IGF1R: variants seen among roughly 807,000 people sequenced by gnomAD.
The protein encoded by IGF1R is insulin like growth factor 1 receptor, also known as insulin-like growth factor 1 receptor.
IGF1R carries 44 observed loss-of-function variants against 144.6 expected under a neutral mutation model. The observed-to-expected ratio is 0.30, with a 90% CI of 0.24 to 0.39. IGF1R has a LOEUF of 0.39. Ranked by LOEUF, IGF1R falls within the 10% of genes least tolerant of loss-of-function variation. The pLI, the probability that IGF1R is intolerant of heterozygous loss-of-function variation, is 1.00. For synonymous variants in IGF1R, 795 were observed against 722.8 expected, an observed-to-expected ratio of 1.10 and a Z score of -1.60; for missense variants, 1,355 against 1,833.7, an observed-to-expected ratio of 0.74 and a Z score of 4.77.
At chr15:98,954,688 C>A (rs765943158) in intron 20 of IGF1R, among the ~76,000 whole-genome samples, 5 of 152,204 alleles carry the variant, frequency 3.3e-5, no homozygotes, top group Non-Finnish European at 5.9e-5. Context: ...ATCTCATGCT[C>A]TTGGCCCAGT....
Position 98,957,427 on chromosome 15 carries a change from G to C in IGF1R, c.4089G>C (p.Gln1363His), listed in dbSNP as rs1209606444. ...RKNERALPLP[Q>H]SSTC The stretch of plus-strand genomic sequence containing the variant: ...ACGAGCGGGCCTTGCCGCTGCCCCA[G>C]TCTTCGACCTGCTGATCCTTGGATC... Residue 1363 changes from glutamine to histidine, a missense_variant, in exon 21 of 21, where the codon CAG becomes CAC. Transcript: ENST00000650285. 1 of 1,613,102 alleles carries C rather than the reference G, an allele frequency of 6.2e-7. No individual in the cohort carries two copies. The highest frequency in any genetic ancestry group is 2.2e-5 in the East Asian group (1 of 44,866).
chr15:98,907,551 A>G (rs1329922786), intron 5 of IGF1R, among the ~76,000 whole-genome samples: 1 of 152,370 alleles, frequency 6.6e-6, no homozygotes, highest in East Asian at 1.9e-4. Flanking sequence ...AGAGGAGAAG[A>G]AGGATTCACG....
chr15:98,900,976 A>G (rs893184938), intron 5 of IGF1R, among the ~76,000 whole-genome samples: 1 of 152,164 alleles, frequency 6.6e-6, no homozygotes, highest in African/African-American at 2.4e-5. Context: ...TGCTGAGAGG[A>G]GAGTTTAATT....
intron 1 of IGF1R, among the ~76,000 whole-genome samples, chr15:98,665,159 G>A (rs548693051): frequency 2.6e-5 from 4 of 152,220 alleles, no homozygotes; most frequent in Admixed American, 2.6e-4. Flanking sequence ...CACCGTGTTA[G>A]CCAGGATGGT....
Position 98,913,071 on chromosome 15 carries a change from T to C in IGF1R, c.1617T>C (p.Asp539=). Residue 539 remains aspartate, a synonymous_variant, in exon 8 of 21, where the codon GAT becomes GAC. Transcript: ENST00000650285. ...CCTTTAAGAATGTCACAGAGTATGA[T>C]GGGCAGGATGCCTGCGGCTCCAACA... ...EAPFKNVTEY[D]GQDACGSNSW... The C allele has an allele frequency of 6.2e-7, 1 of 1,614,068 alleles. No homozygotes were observed. The highest frequency in any genetic ancestry group is 1.1e-5 in the South Asian group (1 of 91,072).
chr15:98,786,256 G>A (rs1347380202), intron 2 of IGF1R, among the ~76,000 whole-genome samples: 2 of 152,220 alleles, frequency 1.3e-5, no homozygotes, highest in African/African-American at 2.4e-5. Flanking sequence ...AGAACAAGGT[G>A]GAGGAAAACC....
chr15:98,673,004 AC>A (rs1814161884), intron 1 of IGF1R, among the ~76,000 whole-genome samples: 2 of 151,992 alleles, frequency 1.3e-5, no homozygotes, highest in Non-Finnish European at 2.9e-5. Flanking sequence ...ATTTTATTTT[AC>A]TTTTTTTTAA....
At chr15:98,907,608 C>G (rs1475513609) in intron 5 of IGF1R, among the ~76,000 whole-genome samples, 7 of 152,210 alleles carry the variant, frequency 4.6e-5, no homozygotes, top group East Asian at 1.9e-4. Context: ...AGAAGTCAAC[C>G]CTGGCATTGT....
At chr15:98,791,085 C>T (rs948619719) in intron 2 of IGF1R, among the ~76,000 whole-genome samples, 2 of 152,168 alleles carry the variant, frequency 1.3e-5, no homozygotes, top group Non-Finnish European at 2.9e-5. Context: ...AGTTCATGCT[C>T]AGATGATTCA....
At position 98,690,622 on chromosome 15, in the gene IGF1R, T is replaced by C. The variant is rs142465907; in HGVS notation, c.95-16940T>C. ...AATGATTTTAAGTATACAATTAATA[T>C]GTGAATGTATGTTTCTTATGGAAAT... On this transcript the variant is annotated intron_variant, in intron 1 of 20. Transcript: ENST00000650285. 4.8e-3 allele frequency among the ~76,000 whole-genome samples: 733 copies of C among 152,368 alleles called. 6 individuals carry two copies. Among genetic ancestry groups the C allele is most frequent in the African/African-American group, 0.017 (699 of 41,592 alleles).
At chr15:98,939,971 C>T (rs1368865545) in intron 18 of IGF1R, among the ~76,000 whole-genome samples, 1 of 152,218 alleles carries the variant, frequency 6.6e-6, no homozygotes. Context: ...AGCTCACCAG[C>T]CTACTGGTTA....
At chr15:98,716,870 A>C (rs1038278915) in intron 2 of IGF1R, among the ~76,000 whole-genome samples, 7 of 152,150 alleles carry the variant, frequency 4.6e-5, no homozygotes, top group African/African-American at 1.7e-4. Context: ...TCAGGATGTC[A>C]TGGGGCTGGC....
intron 2 of IGF1R, among the ~76,000 whole-genome samples, chr15:98,834,190 T>C (rs57968842): frequency 0.021 from 3,242 of 152,344 alleles, 119 homozygotes; most frequent in African/African-American, 0.074. Context: ...TGTACCTTTT[T>C]TGGGAAAGAG....
chr15:98,919,516 A>G (rs999485007), intron 10 of IGF1R, among the ~76,000 whole-genome samples: 1 of 152,212 alleles, frequency 6.6e-6, no homozygotes, highest in African/African-American at 2.4e-5. Context: ...GTGGAGCACA[A>G]GGTGAAGTGA....
intron 1 of IGF1R, among the ~76,000 whole-genome samples, chr15:98,654,544 C>T (rs1309132422): frequency 2.0e-5 from 3 of 152,102 alleles, no homozygotes; most frequent in Non-Finnish European, 2.9e-5. Flanking sequence ...AGTGAGGAGA[C>T]AAATCCTGAA....
At chr15:98,716,229 G>T (rs930244822) in intron 2 of IGF1R, among the ~76,000 whole-genome samples, 1 of 152,178 alleles carries the variant, frequency 6.6e-6, no homozygotes, top group Non-Finnish European at 1.5e-5. Flanking sequence ...CTAAAATTGA[G>T]TAAGTTACTG....
intron 2 of IGF1R, among the ~76,000 whole-genome samples, chr15:98,782,699 ACT>A (rs1596301075): frequency 3.3e-5 from 5 of 152,290 alleles, no homozygotes; most frequent in African/African-American, 1.2e-4. Flanking sequence ...ATTACAAATA[ACT>A]CTGCAATAAA....
intron 1 of IGF1R, among the ~76,000 whole-genome samples, chr15:98,685,856 A>G (rs2053314474): frequency 6.6e-6 from 1 of 152,178 alleles, no homozygotes; most frequent in Non-Finnish European, 1.5e-5. Context: ...GTCTGAAACC[A>G]TTTTGAACTT....
At chr15:98,846,811 C>G (rs1039154875) in intron 2 of IGF1R, among the ~76,000 whole-genome samples, 37 of 152,160 alleles carry the variant, frequency 2.4e-4, no homozygotes, top group African/African-American at 8.7e-4. Context: ...AGAATCATTG[C>G]AATCAAGGGA....
Sources: allele counts gnomAD v4.1 joint callset (sites outside exome capture counted in the v4.1 genomes callset), GRCh38; gene constraint gnomAD v4.1.1; transcripts MANE v1.5; gene names NCBI Gene and HGNC (gene_info 2026-07-23, HGNC 2026-07-21).